TBC1D31: variants seen among roughly 807,000 people sequenced by gnomAD.
TBC1D31 encodes WD repeat domain 67.
TBC1D31 carries 99 observed loss-of-function variants against 132.9 expected under a neutral mutation model. The observed-to-expected ratio is 0.74, with a 90% CI of 0.63 to 0.88. TBC1D31 has a LOEUF of 0.88. TBC1D31 is among the 40% of genes least tolerant of loss of function. The pLI is 0.00. For missense variants in TBC1D31, 1,134 were observed against 1,256.6 expected (o/e 0.90, Z 1.48); for synonymous variants, 385 against 419.4 (o/e 0.92, Z 1.00).
chr8:123,109,448 G>A, intron 9 of TBC1D31, 26 bp from the exon 10 acceptor site: 2 of 1,609,212 alleles, frequency 1.2e-6, no homozygotes, highest in Non-Finnish European at 8.5e-7. Context: ...AAAAATTGGG[G>A]GGATTAAAAT....
In TBC1D31 at chr8:123,107,314, A is replaced by C. The variant is rs924654249; in HGVS notation, c.1209+1850A>C. ...TACCCATTTCCACATGAAGAAATAGAGCATTACCGTAGCTTTGGAGCCCCG... is the reference window on the plus strand; with the variant it reads ...TACCCATTTCCACATGAAGAAATAGCGCATTACCGTAGCTTTGGAGCCCCG... On this transcript the variant is annotated intron_variant, in intron 8 of 21. Transcript: ENST00000287380. 2.0e-5 allele frequency among the ~76,000 whole-genome samples: 3 copies of C among 152,114 alleles called. No homozygotes were observed. In the East Asian group the frequency reaches 5.8e-4, roughly 29 times the overall value.
chr8:123,142,614 G>A (rs887068045), intron 19 of TBC1D31, among the ~76,000 whole-genome samples, 158 bp downstream of exon 19: 4 of 151,808 alleles, frequency 2.6e-5, no homozygotes, highest in South Asian at 2.1e-4. Context: ...GATTACAGAC[G>A]TCAGCCCCTT....
chr8:123,127,275 T>TTC (rs2130786232), intron 13 of TBC1D31, among the ~76,000 whole-genome samples: 1 of 131,198 alleles, frequency 7.6e-6, no homozygotes, highest in Non-Finnish European at 1.6e-5. Context: ...TTTTTTTTTT[T>TTC]TTTTTTTTTT....
At chr8:123,138,780 T>C (rs1821336899) in intron 17 of TBC1D31, among the ~76,000 whole-genome samples, 1 of 152,164 alleles carries the variant, frequency 6.6e-6, no homozygotes, top group Non-Finnish European at 1.5e-5. Context: ...GTGATTAATG[T>C]TTACTTAAAG....
chr8:123,144,325 T>G (rs1473066771), intron 19 of TBC1D31, among the ~76,000 whole-genome samples: 2 of 152,210 alleles, frequency 1.3e-5, no homozygotes, highest in African/African-American at 4.8e-5. Flanking sequence ...AAGAGTTCAT[T>G]CTCTGAATTT....
At chr8:123,098,131 T>G (rs532893366) in intron 6 of TBC1D31, among the ~76,000 whole-genome samples, 3 of 152,308 alleles carry the variant, frequency 2.0e-5, no homozygotes, top group African/African-American at 7.2e-5. Context: ...ACTTTTTGAT[T>G]AGGTAATATA....
At chr8:123,120,302 C>A in intron 11 of TBC1D31, 114 bp downstream of exon 11, 1 of 809,796 alleles carries the variant, frequency 1.2e-6, no homozygotes, top group Non-Finnish European at 1.8e-6. Context: ...TTTTAAGTCA[C>A]GAAAGTGTGA....
chr8:123,077,058 A>G (rs1814599450), intron 1 of TBC1D31, 53 bp from the exon 2 acceptor site: 3 of 1,493,028 alleles, frequency 2.0e-6, no homozygotes, highest in South Asian at 2.6e-5. Flanking sequence ...ATTTTTCATA[A>G]TATCAAGTAA....
intron 1 of TBC1D31, chr8:123,073,428 GC>G (rs1231977951): frequency 8.8e-6 from 4 of 456,026 alleles, no homozygotes; most frequent in African/African-American, 8.0e-5. Context: ...TTACATATCG[GC>G]GTGTATGTAG....
chr8:123,153,648 G>T (rs779420933), downstream of TBC1D31, among the ~76,000 whole-genome samples: 7 of 152,184 alleles, frequency 4.6e-5, no homozygotes. Context: ...AATGAAATAT[G>T]TGAAAGACAT....
chr8:123,078,776 A>G (rs938666577), intron 2 of TBC1D31, among the ~76,000 whole-genome samples: 43 of 152,310 alleles, frequency 2.8e-4, no homozygotes, highest in African/African-American at 9.9e-4. Context: ...ATTGAAATCT[A>G]TGAGTTCATG....
chr8:123,128,569 AG>A, intron 14 of TBC1D31, 56 bp downstream of exon 14: 2 of 1,348,060 alleles, frequency 1.5e-6, no homozygotes, highest in South Asian at 1.3e-5. Context: ...TATAAACATA[AG>A]AAAGTTTTAA....
At chr8:123,074,084 T>A (rs1047700353) in intron 1 of TBC1D31, among the ~76,000 whole-genome samples, 18 of 151,752 alleles carry the variant, frequency 1.2e-4, no homozygotes, top group Non-Finnish European at 7.4e-5. Context: ...CAGGGTCGGA[T>A]GCAGTGGCGC....
At chr8:123,117,448 G>C (rs1819030202) in intron 10 of TBC1D31, among the ~76,000 whole-genome samples, 1 of 151,818 alleles carries the variant, frequency 6.6e-6, no homozygotes, top group South Asian at 2.1e-4. Context: ...GCTTAACCAA[G>C]TAAGCACATT....
At chr8:123,073,143 C>T in intron 1 of TBC1D31, 1 of 510,540 alleles carries the variant, frequency 2.0e-6, no homozygotes, top group Non-Finnish European at 3.6e-6. Context: ...CTTTTATGAT[C>T]ACGGTATCCC....
chr8:123,141,671 T>G (rs1821691963), intron 18 of TBC1D31, among the ~76,000 whole-genome samples: 1 of 152,034 alleles, frequency 6.6e-6, no homozygotes, highest in Admixed American at 6.6e-5. Context: ...TTAGGTGATT[T>G]CCTCAAGATA....
the TBC1D31 span, among the ~76,000 whole-genome samples, chr8:123,161,585 ACTT>A: frequency 6.6e-6 from 1 of 152,176 alleles, no homozygotes; most frequent in Admixed American, 6.5e-5. Context: ...ATGTTGAAAA[ACTT>A]CTGGGCATCT....
the TBC1D31 span, among the ~76,000 whole-genome samples, chr8:123,161,940 C>T: frequency 6.7e-6 from 1 of 149,220 alleles, no homozygotes; most frequent in Non-Finnish European, 1.5e-5. Context: ...ATGGCTTGAA[C>T]CCGAGAGGCG....
At chr8:123,077,992 G>A (rs1360042192) in intron 2 of TBC1D31, among the ~76,000 whole-genome samples, 1 of 151,852 alleles carries the variant, frequency 6.6e-6, no homozygotes, top group Admixed American at 6.6e-5. Context: ...AGGTTTCAGT[G>A]AGCCGAGATC....
Sources: gnomAD v4.1 joint callset for allele counts (sites outside exome capture counted in the v4.1 genomes callset) on GRCh38, gnomAD v4.1.1 for gene constraint, MANE v1.5 for transcripts, NCBI Gene and HGNC (gene_info 2026-07-23, HGNC 2026-07-21) for gene names.